Variants in KCNH7 observed in about 807,000 individuals in gnomAD.
The protein encoded by KCNH7 is potassium voltage-gated channel subfamily H member 7.
KCNH7 carries 49 observed loss-of-function variants against 120.8 expected under a neutral mutation model. The observed-to-expected ratio is 0.41, with a 90% CI of 0.32 to 0.51. KCNH7 has a LOEUF of 0.51. Among genes scored for constraint, KCNH7 ranks in the 20% least tolerant of loss-of-function variants. The probability of loss-of-function intolerance (pLI) is 0.38; values close to 1 mark genes in which losing one functional copy is unlikely to be tolerated. For missense variants in KCNH7, 1,097 were observed against 1,446.6 expected (o/e 0.76, Z 3.92); for synonymous variants, 547 against 516.1 (o/e 1.06, Z -0.81).
intron 2 of KCNH7, among the ~76,000 whole-genome samples, chr2:162,766,904 C>CAT (rs978565398): frequency 6.9e-6 from 1 of 145,332 alleles, no homozygotes. Flanking sequence ...CACACACACA[C>CAT]ATAAACACAC....
At chr2:162,639,851 G>C (rs1446590661) in intron 2 of KCNH7, among the ~76,000 whole-genome samples, 1 of 151,926 alleles carries the variant, frequency 6.6e-6, no homozygotes, top group Non-Finnish European at 1.5e-5. Context: ...AATCCCTCCT[G>C]AACTAATAAA....
At chr2:162,434,422 GA>G (rs760562781) in intron 8 of KCNH7, among the ~76,000 whole-genome samples, 3 of 152,010 alleles carry the variant, frequency 2.0e-5, no homozygotes, top group Non-Finnish European at 2.9e-5. Flanking sequence ...GTGAAAAAAT[GA>G]AAACAAAAAT....
At chr2:162,786,954 C>A (rs952735760) in intron 2 of KCNH7, among the ~76,000 whole-genome samples, 1 of 152,196 alleles carries the variant, frequency 6.6e-6, no homozygotes, top group African/African-American at 2.4e-5. Flanking sequence ...GTAAGGAGGA[C>A]AGTTTTATAT....
At chr2:162,551,601 G>A (rs1266779951) in intron 2 of KCNH7, among the ~76,000 whole-genome samples, 1 of 151,884 alleles carries the variant, frequency 6.6e-6, no homozygotes, top group Non-Finnish European at 1.5e-5. Flanking sequence ...AATATACTAA[G>A]GGAAAAAGAG....
intron 2 of KCNH7, among the ~76,000 whole-genome samples, chr2:162,636,799 T>G (rs767099730): frequency 7.9e-5 from 12 of 152,148 alleles, no homozygotes; most frequent in Non-Finnish European, 1.5e-4. Flanking sequence ...TCTATTTTCC[T>G]TCAATGGCCC....
rs773369033 is a variant in KCNH7, at chr2:162,384,833, G to T, written c.2817C>A (p.Ser939=). 6.2e-7 allele frequency: 1 copy of T among 1,612,854 alleles called. No homozygotes were observed. Among genetic ancestry groups the T allele is most frequent in the East Asian group, 2.2e-5 (1 of 44,798 alleles). The change falls in exon 13 of 16, where the codon TCC becomes TCA. Residue 939 remains serine, a synonymous_variant. Transcript: ENST00000332142. ...GCGGCTTTTGTTCATCATCAATGGA[G>T]GAGATGAAAGATGAGGATCTGCTTT... ...EKKSRSSSFI[S]SIDDEQKPLF...
rs191569400 is a variant in KCNH7 at position 162,540,355 on chromosome 2, T to A, written c.308-3275A>T. Reference sequence around the variant, plus strand: ...GGAAAAGACTGTTTAGGAGGAACAGTGCTAATTTTAATAAAATTTTTAGAG... The same window carrying A: ...GGAAAAGACTGTTTAGGAGGAACAGAGCTAATTTTAATAAAATTTTTAGAG... On this transcript the variant is annotated intron_variant, in intron 2 of 15. Coordinates refer to ENST00000332142, the MANE Select transcript of KCNH7 (RefSeq NM_033272.4). 4.2e-4 allele frequency among the ~76,000 whole-genome samples: 64 copies of A among 152,210 alleles called. 1 individual carries two copies. The highest frequency in any genetic ancestry group is 6.8e-3 in the Middle Eastern group (2 of 294).
intron 6 of KCNH7, among the ~76,000 whole-genome samples, chr2:162,469,905 C>G (rs547033714): frequency 6.6e-6 from 1 of 152,240 alleles, no homozygotes; most frequent in Non-Finnish European, 1.5e-5. Context: ...GACGGGGTTT[C>G]GCTGTCTTGG....
intron 2 of KCNH7, among the ~76,000 whole-genome samples, chr2:162,747,544 A>G (rs1462347007): frequency 6.6e-6 from 1 of 152,122 alleles, no homozygotes; most frequent in Non-Finnish European, 1.5e-5. Context: ...AACAGCTGGG[A>G]TTTTGTGGAG....
intron 2 of KCNH7, among the ~76,000 whole-genome samples, chr2:162,539,829 C>T (rs980566503): frequency 6.6e-6 from 1 of 152,020 alleles, no homozygotes; most frequent in Non-Finnish European, 1.5e-5. Flanking sequence ...ATCAATCTTG[C>T]ATAGCCTCCC....
intron 2 of KCNH7, among the ~76,000 whole-genome samples, chr2:162,802,779 AG>A (rs1472273924): frequency 1.3e-5 from 2 of 151,844 alleles, no homozygotes; most frequent in Non-Finnish European, 3.0e-5. Context: ...TGATACATAA[AG>A]AACATCTCAA....
At chr2:162,448,693 A>G (rs539966499) in intron 6 of KCNH7, among the ~76,000 whole-genome samples, 1 of 152,212 alleles carries the variant, frequency 6.6e-6, no homozygotes, top group South Asian at 2.1e-4. Flanking sequence ...GCAAACAGCA[A>G]TCTTGGAACT....
At chr2:162,631,885 C>T (rs1389804953) in intron 2 of KCNH7, among the ~76,000 whole-genome samples, 1 of 151,892 alleles carries the variant, frequency 6.6e-6, no homozygotes, top group African/African-American at 2.4e-5. Context: ...TATGAATTAA[C>T]TCCAAAAATT....
At chr2:162,566,652 T>C (rs1460956114) in intron 2 of KCNH7, among the ~76,000 whole-genome samples, 2 of 152,052 alleles carry the variant, frequency 1.3e-5, no homozygotes, top group African/African-American at 4.8e-5. Flanking sequence ...AAGTACCCAG[T>C]AAAGACCAGG....
At chr2:162,792,852 G>T (rs1210564614) in intron 2 of KCNH7, among the ~76,000 whole-genome samples, 1 of 149,426 alleles carries the variant, frequency 6.7e-6, no homozygotes, top group Non-Finnish European at 1.5e-5. Context: ...TATTTCTTGT[G>T]GTCTACTAGC....
intron 2 of KCNH7, among the ~76,000 whole-genome samples, chr2:162,568,526 A>T (rs1452551611): frequency 6.6e-6 from 1 of 152,004 alleles, no homozygotes; most frequent in African/African-American, 2.4e-5. Flanking sequence ...TTTTATTTCC[A>T]GTTGATTAAA....
intron 2 of KCNH7, among the ~76,000 whole-genome samples, chr2:162,609,436 TACAGGATTTTTTAAGGG>T (rs375187886): frequency 7.9e-5 from 12 of 152,190 alleles, no homozygotes; most frequent in African/African-American, 2.9e-4. Context: ...TTTCAATACT[TACAGGATTTTTTAAGGG>T]ACTGTATTGG....
chr2:162,422,687 G>A (rs1687745536), intron 9 of KCNH7, among the ~76,000 whole-genome samples: 1 of 152,028 alleles, frequency 6.6e-6, no homozygotes, highest in South Asian at 2.1e-4. Flanking sequence ...GTTATGACAG[G>A]TGATTGCTGA....
intron 3 of KCNH7, among the ~76,000 whole-genome samples, chr2:162,530,844 T>C (rs936752933): frequency 1.3e-5 from 2 of 151,916 alleles, no homozygotes; most frequent in African/African-American, 4.8e-5. Context: ...TTGCCAAAGA[T>C]GAGAAAAAAT....
Sources: gnomAD v4.1 joint callset for allele counts (sites outside exome capture counted in the v4.1 genomes callset) on GRCh38, gnomAD v4.1.1 for gene constraint, MANE v1.5 for transcripts, NCBI Gene and HGNC (gene_info 2026-07-23, HGNC 2026-07-21) for gene names.